The following GATB variants were observed in gnomAD, a reference collection of about 807,000 sequenced individuals.
GATB encodes the protein glutamyl-tRNA amidotransferase subunit B, also known as glutamyl-tRNA(Gln) amidotransferase subunit B, mitochondrial.
Under a neutral mutation model 62.3 loss-of-function variants are expected in GATB, and 39 were observed. That is an observed-to-expected ratio of 0.63 (90% confidence interval 0.48 to 0.82). The LOEUF (loss-of-function observed/expected upper bound fraction) is 0.82, where lower values mean the gene tolerates loss of function less well. Among genes scored for constraint, GATB ranks in the 40% least tolerant of loss-of-function variants. The pLI is 0.00. For synonymous variants in GATB, 276 were observed against 258.9 expected (o/e 1.07, Z -0.63); for missense variants, 670 against 684.0 (o/e 0.98, Z 0.23).
intron 2 of GATB, among the ~76,000 whole-genome samples, chr4:151,729,672 T>C (rs949945151): frequency 2.6e-5 from 4 of 152,228 alleles, no homozygotes; most frequent in African/African-American, 9.6e-5. Flanking sequence ...TGCTATTCTT[T>C]CAACTTTTCT....
At chr4:151,713,579 A>ACAAAATTATTTGG (rs1224594120) in intron 5 of GATB, among the ~76,000 whole-genome samples, 17 of 152,128 alleles carry the variant, frequency 1.1e-4, no homozygotes, top group African/African-American at 3.9e-4. Flanking sequence ...CCCCTTCTGT[A>ACAAAATTATTTGG]CAAAATTATT....
At chr4:151,699,114 G>C (rs912773993) in intron 9 of GATB, among the ~76,000 whole-genome samples, 1 of 152,138 alleles carries the variant, frequency 6.6e-6, no homozygotes, top group African/African-American at 2.4e-5. Context: ...ACCAGGCCGG[G>C]TGTGGTGGCT....
At position 151,730,796 on chromosome 4, in the gene GATB, T is replaced by TC. The variant is rs1369125813; in HGVS notation, c.328-11259dup. On this transcript the variant is annotated intron_variant, in intron 2 of 12. Transcript: ENST00000263985. This position sits in a 1 kb window ranked among gnomAD's most constrained non-coding sequence, Gnocchi z 4.1. ...AATAGCAGCTTTCAGCCCTGGACCT[T>TC]CCCTCTGACAGAGCCTACCCAAATG... 6.6e-6 allele frequency among the ~76,000 whole-genome samples: 1 copy of TC among 152,154 alleles called. No individual in the cohort carries two copies. Among genetic ancestry groups the TC allele is most frequent in the Non-Finnish European group, 1.5e-5 (1 of 68,022 alleles).
intron 9 of GATB, among the ~76,000 whole-genome samples, chr4:151,693,760 T>C (rs758153768): frequency 9.9e-5 from 15 of 152,194 alleles, no homozygotes; most frequent in Non-Finnish European, 1.9e-4. Flanking sequence ...TCACTTGTGC[T>C]ATGTTCCCAG....
intron 2 of GATB, among the ~76,000 whole-genome samples, chr4:151,751,606 T>TATTCTTTTGGGAAAAGAATA (rs1739722545): frequency 6.6e-6 from 1 of 152,248 alleles, no homozygotes; most frequent in Admixed American, 6.5e-5. Context: ...AGGTAAGAAT[T>TATTCTTTTGGGAAAAGAATA]TAGTTCTTTT....
At chr4:151,724,217 C>A (rs752096584) in intron 2 of GATB, 4 of 152,198 alleles carry the variant, frequency 2.6e-5, no homozygotes, top group Non-Finnish European at 4.4e-5. Flanking sequence ...AAACAAATCA[C>A]CAAGTTCTAC....
In GATB at chr4:151,705,038, A is replaced by G. The variant is rs1667443531; in HGVS notation, c.962+147T>C. Reference sequence around the variant, plus strand: ...CTGGGATTACAGGCATGAAGGGTACAGTACTTTTCTAATTGTACTAATGAG... The same window carrying G: ...CTGGGATTACAGGCATGAAGGGTACGGTACTTTTCTAATTGTACTAATGAG... On this transcript the variant is annotated intron_variant, in intron 7 of 12. Coordinates refer to ENST00000263985, the MANE Select transcript of GATB (RefSeq NM_004564.3). 2.2e-5 allele frequency: 13 copies of G among 595,842 alleles called. No homozygotes were observed. In the South Asian group the frequency reaches 2.2e-4, roughly 10 times the overall value. 36.9% of individuals were successfully genotyped at this position (595,842 alleles called of 1,614,324 possible). A position where few individuals can be genotyped will look rare whatever the true frequency, so the allele number is the denominator to read the frequency against.
intron 11 of GATB, 150 bp from the exon 12 acceptor site, chr4:151,673,046 C>CA: frequency 1.1e-6 from 1 of 939,416 alleles, no homozygotes; most frequent in Non-Finnish European, 1.6e-6. Context: ...AGGGAAAGGG[C>CA]ACCTGGCTGC....
chr4:151,753,077 A>G (rs1385251985), intron 2 of GATB, among the ~76,000 whole-genome samples: 1 of 152,188 alleles, frequency 6.6e-6, no homozygotes, highest in African/African-American at 2.4e-5. Flanking sequence ...CAGGCCACCT[A>G]AGTTCCCGCA....
At chr4:151,694,133 G>C (rs1003511416) in intron 9 of GATB, among the ~76,000 whole-genome samples, 2 of 152,160 alleles carry the variant, frequency 1.3e-5, no homozygotes, top group African/African-American at 4.8e-5. Context: ...GAGCTTTCTG[G>C]CTGCAGCTTA....
intron 2 of GATB, among the ~76,000 whole-genome samples, chr4:151,757,628 A>G (rs1739861221): frequency 6.6e-6 from 1 of 151,898 alleles, no homozygotes; most frequent in South Asian, 2.1e-4. Flanking sequence ...GCCCACCACC[A>G]TGCCCGGCTA....
chr4:151,674,703 T>C (rs906680950), intron 11 of GATB: 2 of 152,226 alleles, frequency 1.3e-5, no homozygotes, highest in Admixed American at 6.5e-5. Flanking sequence ...ATCCATCAGA[T>C]GTATTTATCA....
At chr4:151,699,071 G>A (rs572060046) in intron 9 of GATB, among the ~76,000 whole-genome samples, 6 of 152,152 alleles carry the variant, frequency 3.9e-5, no homozygotes, top group South Asian at 2.1e-4. Flanking sequence ...GTCTCAGTAC[G>A]TGCTATACAG....
intron 2 of GATB, among the ~76,000 whole-genome samples, chr4:151,737,046 G>A (rs764419452): frequency 5.3e-5 from 8 of 152,186 alleles, no homozygotes; most frequent in Non-Finnish European, 1.2e-4. Context: ...GGAGTGGGGT[G>A]TTACTGAAAA....
chr4:151,724,305 ACAC>A (rs996208466), intron 2 of GATB: 3 of 152,178 alleles, frequency 2.0e-5, no homozygotes, highest in Non-Finnish European at 2.9e-5. Flanking sequence ...CTTTGTTTAA[ACAC>A]CACCCACTCC....
chr4:151,719,688 G>A (rs1003398335), intron 2 of GATB, 150 bp from the exon 3 acceptor site: 355 of 507,688 alleles, frequency 7.0e-4, no homozygotes, highest in Non-Finnish European at 1.1e-3. Flanking sequence ...TTCACAAGCC[G>A]AGTCTGTTTG....
rs1425351125 is a variant in GATB at position 151,730,112 on chromosome 4, T to C, written c.328-10574A>G. Among the ~76,000 whole-genome samples the C allele has an allele frequency of 6.6e-6, 1 of 152,144 alleles. No individual in the cohort carries two copies. Among genetic ancestry groups the C allele is most frequent in the Non-Finnish European group, 1.5e-5 (1 of 68,026 alleles). On this transcript the variant is annotated intron_variant, in intron 2 of 12. Transcript: ENST00000263985. This position sits in a 1 kb window ranked among gnomAD's most constrained non-coding sequence, Gnocchi z 4.1. The stretch of plus-strand genomic sequence containing the variant: ...TGTGGTGGGAGTGAGACTGGCCCTT[T>C]GGTTTGTGTGGGAGCTGGGTGAGGC...
rs1350113210 is a variant in GATB, at chr4:151,728,040, C to T, written c.328-8502G>A. ...TTCCCCCTTAAATGATAACCAACAC[C>T]TTTTGTGATAATTACTTGTGTTATC... is the stretch of plus-strand genomic sequence containing the variant. On this transcript the variant is annotated intron_variant, in intron 2 of 12. Transcript: ENST00000263985. 4.6e-5 allele frequency among the ~76,000 whole-genome samples: 7 copies of T among 152,260 alleles called. No individual in the cohort carries two copies. In the East Asian group the frequency reaches 1.4e-3, roughly 29 times the overall value.
chr4:151,671,133 C>G lies in GATB; in HGVS notation c.*41G>C. The G allele has an allele frequency of 1.2e-6, 2 of 1,612,610 alleles. No homozygotes were observed. The highest frequency in any genetic ancestry group is 2.2e-5 in the South Asian group (2 of 91,030). On this transcript the variant is annotated 3_prime_UTR_variant, in exon 13 of 13. Coordinates refer to ENST00000263985, the MANE Select transcript of GATB (RefSeq NM_004564.3). ...GGATCCTGTTCCCAGTCAGGCTGCACTGTTTGTTGTTGTCCCTTGGGCAAG... is the reference window on the plus strand; with the variant it reads ...GGATCCTGTTCCCAGTCAGGCTGCAGTGTTTGTTGTTGTCCCTTGGGCAAG...
Sources: gnomAD v4.1 joint callset for allele counts (sites outside exome capture counted in the v4.1 genomes callset) on GRCh38, gnomAD v4.1.1 for gene constraint, Gnocchi (gnomAD v3.1) non-coding constraint, MANE v1.5 for transcripts, NCBI Gene and HGNC (gene_info 2026-07-23, HGNC 2026-07-21) for gene names.